The following RRH variants were observed in gnomAD, a reference collection of about 807,000 sequenced individuals.
The protein encoded by RRH is retinal pigment epithelium-derived rhodopsin homolog, also known as visual pigment-like receptor peropsin.
In RRH, 36 loss-of-function variants were observed where a neutral mutation model predicts 33.1. The observed-to-expected ratio is 1.09, with a 90% CI of 0.83 to 1.44. The LOEUF is 1.44. RRH is among the 40% of genes most tolerant of loss of function. The probability of loss-of-function intolerance (pLI) is 0.00; values close to 1 mark genes in which losing one functional copy is unlikely to be tolerated. For missense variants in RRH, 393 were observed against 420.2 expected, an observed-to-expected ratio of 0.94 and a Z score of 0.57; for synonymous variants, 124 against 140.2, an observed-to-expected ratio of 0.88 and a Z score of 0.82.
At chr4:109,836,891 C>CGAAAAAAAAAAAAAAAA (rs1733894907) in intron 4 of RRH, among the ~76,000 whole-genome samples, 1 of 84,416 alleles carries the variant, frequency 1.2e-5, no homozygotes, top group African/African-American at 6.0e-5. Context: ...CCTGTCTCTA[C>CGAAAAAAAAAAAAAAAA]AAAAAAAAAA....
intron 5 of RRH, among the ~76,000 whole-genome samples, chr4:109,838,880 G>A (rs1194943026): frequency 6.6e-6 from 1 of 152,112 alleles, no homozygotes; most frequent in African/African-American, 2.4e-5. Context: ...TTTATCCAGT[G>A]CTGGGTACTT....
chr4:109,833,600 G>T lies in RRH; in HGVS notation c.297+271G>T, dbSNP rs182547989. Among the ~76,000 whole-genome samples, 435 of 152,140 alleles carry T rather than the reference G, an allele frequency of 2.9e-3. 7 individuals carry two copies. The highest frequency in any genetic ancestry group is 1.0e-2 in the African/African-American group (414 of 41,488). The stretch of plus-strand genomic sequence containing the variant: ...AACCAAAGGAGAAGAGTGCTGATTT[G>T]CATATTCAAATAAATATTTGCATAT... On this transcript the variant is annotated intron_variant, in intron 2 of 6. Coordinates refer to ENST00000317735, the MANE Select transcript of RRH (RefSeq NM_006583.5).
intron 2 of RRH, among the ~76,000 whole-genome samples, chr4:109,834,013 G>C (rs1162401037): frequency 6.6e-6 from 1 of 152,138 alleles, no homozygotes; most frequent in Non-Finnish European, 1.5e-5. Flanking sequence ...TACAGATAAT[G>C]ATGAAGGCCA....
chr4:109,837,734 T>G (rs1343412885), intron 5 of RRH, 129 bp downstream of exon 5: 1 of 727,174 alleles, frequency 1.4e-6, no homozygotes, highest in East Asian at 2.7e-5. Context: ...CTCTTTCTTC[T>G]GTGTTTGCTT....
chr4:109,836,545 C>CTGTCTT (rs1381226091), intron 4 of RRH, among the ~76,000 whole-genome samples: 2 of 152,220 alleles, frequency 1.3e-5, no homozygotes, highest in Non-Finnish European at 2.9e-5. Context: ...TGCCTCCCTG[C>CTGTCTT]TGTCTTTTCA....
chr4:109,834,361 G>A (rs779600356), intron 2 of RRH, among the ~76,000 whole-genome samples: 2 of 136,804 alleles, frequency 1.5e-5, no homozygotes, highest in South Asian at 2.3e-4. Context: ...ATGGAGTCAC[G>A]CTCCGTTGCC....
At chr4:109,836,775 C>G (rs1259469686) in intron 4 of RRH, among the ~76,000 whole-genome samples, 1 of 151,046 alleles carries the variant, frequency 6.6e-6, no homozygotes, top group Admixed American at 6.6e-5. Context: ...AAAGTAAAGG[C>G]TGGGCACAGT....
chr4:109,834,294 T>C (rs541740990), intron 2 of RRH, among the ~76,000 whole-genome samples: 1 of 151,924 alleles, frequency 6.6e-6, no homozygotes, highest in South Asian at 2.1e-4. Flanking sequence ...TTTACTCTTA[T>C]TGGACCTTTG....
chr4:109,836,668 A>G (rs1733890630), intron 4 of RRH, among the ~76,000 whole-genome samples: 2 of 152,218 alleles, frequency 1.3e-5, no homozygotes, highest in Non-Finnish European at 2.9e-5. Flanking sequence ...GAACAAGATA[A>G]TAATTTAGTT....
At chr4:109,830,558 T>C (rs1057360725) in intron 1 of RRH, among the ~76,000 whole-genome samples, 3 of 152,070 alleles carry the variant, frequency 2.0e-5, no homozygotes, top group Non-Finnish European at 4.4e-5. Context: ...AGCCACTGAA[T>C]AGATGGTGAT....
At chr4:109,843,419 C>T (rs1284106124) in intron 6 of RRH, among the ~76,000 whole-genome samples, 1 of 152,192 alleles carries the variant, frequency 6.6e-6, no homozygotes, top group Non-Finnish European at 1.5e-5. Flanking sequence ...CCATCTTGGC[C>T]AGGCTCGTCT....
intron 2 of RRH, among the ~76,000 whole-genome samples, chr4:109,834,435 T>G (rs1052059133): frequency 2.0e-5 from 3 of 151,266 alleles, no homozygotes; most frequent in Admixed American, 6.6e-5. Context: ...GTTCACACCA[T>G]TCTCCTGCCT....
intron 5 of RRH, among the ~76,000 whole-genome samples, chr4:109,839,515 C>T (rs751370595): frequency 1.3e-5 from 2 of 152,110 alleles, no homozygotes; most frequent in Non-Finnish European, 2.9e-5. Flanking sequence ...AGGTTTGTTA[C>T]ATAGGTAAAC....
Position 109,833,322 on chromosome 4 carries a change from G to T in RRH, c.290G>T (p.Gly97Val), listed in dbSNP as rs775117677. ...LYGSWKFGYA[G>V]CQVYAGLNIF... ...GGAAGTTGGAAATTTGGATACGCAG[G>T]CTGTCAGGTATTGGAGATCATTGGA... Residue 97 changes from glycine (G) to valine (V), a missense_variant, in exon 2 of 7, where the codon GGC (glycine) becomes GTC (valine). By Grantham distance (109) the Gly-to-Val change is moderately radical. Transcript: ENST00000317735. 7 of 1,613,556 alleles carry T rather than the reference G, an allele frequency of 4.3e-6. No individual in the cohort carries two copies. Among genetic ancestry groups the T allele is most frequent in the Non-Finnish European group, 5.9e-6 (7 of 1,179,682 alleles).
At chr4:109,833,082 C>G in intron 1 of RRH, 57 bp from the exon 2 acceptor site, 2 of 1,378,626 alleles carry the variant, frequency 1.5e-6, no homozygotes, top group Non-Finnish European at 1.0e-6. Flanking sequence ...AATTTTGAGT[C>G]TACTTTGAAA....
intron 5 of RRH, among the ~76,000 whole-genome samples, chr4:109,841,595 T>C (rs1450325353): frequency 6.6e-6 from 1 of 152,196 alleles, no homozygotes; most frequent in Non-Finnish European, 1.5e-5. Flanking sequence ...TGGTACCCTT[T>C]GTTACTAGAA....
rs113309876 is a variant in RRH at position 109,844,395 on chromosome 4, C to T, written c.*198C>T. ...GCTTCTCTGTGTCCTGATATATCAA[C>T]TTATTGCTCATCTCCTTTGATGAAT... is the stretch of plus-strand genomic sequence containing the variant. On this transcript the variant is annotated 3_prime_UTR_variant, in exon 7 of 7. Coordinates refer to ENST00000317735, the MANE Select transcript of RRH (RefSeq NM_006583.5). 1.6e-5 allele frequency: 8 copies of T among 487,878 alleles called. No individual in the cohort carries two copies. The highest frequency in any genetic ancestry group is 5.9e-5 in the African/African-American group (3 of 50,942). The allele number at this position is 487,878 out of a possible 1,614,324, so 30.2% of individuals were successfully genotyped here.
chr4:109,830,603 A>G (rs1579358707), intron 1 of RRH, among the ~76,000 whole-genome samples: 1 of 152,180 alleles, frequency 6.6e-6, no homozygotes, highest in Non-Finnish European at 1.5e-5. Flanking sequence ...CTGGGGAAGA[A>G]CAGGTTTGAG....
Position 109,833,325 on chromosome 4 carries a change from G to A in RRH, c.293G>A (p.Cys98Tyr). ...AGTTGGAAATTTGGATACGCAGGCT[G>A]TCAGGTATTGGAGATCATTGGAATG... The part of the protein sequence containing the change: ...YGSWKFGYAG[C>Y]QVYAGLNIFF... Residue 98 changes from cysteine to tyrosine, a missense_variant, in exon 2 of 7, where the codon TGT (cysteine) becomes TAT (tyrosine). Cys to Tyr is a radical substitution (Grantham distance 194). Coordinates refer to ENST00000317735, the MANE Select transcript of RRH (RefSeq NM_006583.5). 1 of 1,613,640 alleles carries A rather than the reference G, an allele frequency of 6.2e-7. No individual in the cohort carries two copies. The highest frequency in any genetic ancestry group is 2.2e-5 in the East Asian group (1 of 44,862).
Sources: gnomAD v4.1 joint callset for allele counts (sites outside exome capture counted in the v4.1 genomes callset) on GRCh38, gnomAD v4.1.1 for gene constraint, MANE v1.5 for transcripts, NCBI Gene and HGNC (gene_info 2026-07-23, HGNC 2026-07-21) for gene names.